ANGPT4: variants seen among roughly 807,000 people sequenced by gnomAD.
The protein encoded by ANGPT4 is angiopoietin-4.
Under a neutral mutation model 53.0 loss-of-function variants are expected in ANGPT4, and 50 were observed. The ratio of observed to expected loss-of-function variants is 0.94; its 90% confidence interval spans 0.75 to 1.20. ANGPT4 has a LOEUF of 1.20. Among genes scored for constraint, ANGPT4 ranks in the 50% most tolerant of loss-of-function variants. ANGPT4 has a pLI of 0.00. For synonymous variants in ANGPT4, 251 were observed against 259.7 expected (o/e 0.97, Z 0.32); for missense variants, 648 against 637.1 (o/e 1.02, Z -0.18).
intron 4 of ANGPT4, among the ~76,000 whole-genome samples, chr20:884,871 C>A (rs942813949): frequency 2.0e-5 from 3 of 152,218 alleles, no homozygotes; most frequent in African/African-American, 4.8e-5. Flanking sequence ...CCCAAGGTCA[C>A]CCATGGAATC....
At chr20:894,320 C>T (rs1392036275) in intron 1 of ANGPT4, among the ~76,000 whole-genome samples, 1 of 152,172 alleles carries the variant, frequency 6.6e-6, no homozygotes, top group Non-Finnish European at 1.5e-5. Flanking sequence ...GTCTCTCAGT[C>T]CCCCTCTCAA....
chr20:874,369 G>GCT lies in ANGPT4; in HGVS notation c.1264_1265dup (p.Ser422ArgfsTer27). The GCT allele has an allele frequency of 6.2e-7, 1 of 1,614,092 alleles. No individual in the cohort carries two copies. ...TAAAGCTGGTGTTCTGCAGGACCAG[G>GCT]CTGCTCTGGCGCCCTGCTGAGCCGC... On this transcript the variant is annotated frameshift_variant, in exon 8 of 9. Coordinates refer to ENST00000381922, the MANE Select transcript of ANGPT4 (RefSeq NM_015985.4). LOFTEE classifies it high-confidence loss of function.
At chr20:909,057 T>C (rs529527553) in intron 1 of ANGPT4, among the ~76,000 whole-genome samples, 2 of 152,244 alleles carry the variant, frequency 1.3e-5, no homozygotes, top group African/African-American at 4.8e-5. Context: ...GTTAAGACTG[T>C]GGGTTCTGGA....
chr20:915,903 T>C lies in ANGPT4; in HGVS notation c.309+3A>G, dbSNP rs1982913893. 1.3e-6 allele frequency: 2 copies of C among 1,561,498 alleles called. No homozygotes were observed. The highest frequency in any genetic ancestry group is 1.7e-6 in the Non-Finnish European group (2 of 1,150,288). On this transcript the variant is annotated splice_donor_region_variant and intron_variant, in intron 1 of 8. Transcript: ENST00000381922. The stretch of plus-strand genomic sequence containing the variant: ...CCCCCTGCAAACCTCCCATGCCCCG[T>C]ACCTTCTTCAGCCACTGCGTGTTGT...
rs972268861 is a variant in ANGPT4, at chr20:896,835, C to T, written c.310-6467G>A. 2.0e-5 allele frequency among the ~76,000 whole-genome samples: 3 copies of T among 152,204 alleles called. No individual in the cohort carries two copies. In the East Asian group the frequency reaches 5.8e-4, roughly 29 times the overall value. ...ACTCTGGTTGTAGTTACATAATGAACGCATGATAAATTCTGGTATGTCTGG... is the reference window on the plus strand; with the variant it reads ...ACTCTGGTTGTAGTTACATAATGAATGCATGATAAATTCTGGTATGTCTGG... On this transcript the variant is annotated intron_variant, in intron 1 of 8. Transcript: ENST00000381922.
At chr20:893,936 G>T (rs1053855887) in intron 1 of ANGPT4, among the ~76,000 whole-genome samples, 1 of 151,454 alleles carries the variant, frequency 6.6e-6, no homozygotes, top group African/African-American at 2.4e-5. Flanking sequence ...TCTGCCTTTT[G>T]TGCCTTCCTG....
At chr20:885,458 T>A in intron 3 of ANGPT4, 133 bp from the exon 4 acceptor site, 1 of 1,286,568 alleles carries the variant, frequency 7.8e-7, no homozygotes, top group Non-Finnish European at 1.0e-6. Flanking sequence ...CTGTGCCCAC[T>A]GTAGGCACAG....
Position 872,624 on chromosome 20 carries a change from C to A in ANGPT4, c.*336G>T, listed in dbSNP as rs771326282. 9.0e-5 allele frequency: 20 copies of A among 223,324 alleles called. No homozygotes were observed. The highest frequency in any genetic ancestry group is 1.6e-3 in the Middle Eastern group (1 of 622). 13.8% of individuals were successfully genotyped at this position (223,324 alleles called of 1,614,324 possible). A position where few individuals can be genotyped will look rare whatever the true frequency, so the allele number is the denominator to read the frequency against. On this transcript the variant is annotated 3_prime_UTR_variant, in exon 9 of 9. Transcript: ENST00000381922. ...GTGCAAATACATTCCCACCTGCCTG[C>A]AACCCCACCATTGGTCATGGGAATC...
In ANGPT4 at chr20:890,384, G is replaced by A; in HGVS notation, c.310-16C>T. On this transcript the variant is annotated splice_polypyrimidine_tract_variant and intron_variant, in intron 1 of 8. Transcript: ENST00000381922. ...CCCTCTCTAGCTGTGGGAGACCATG[G>A]GCTGGGGTCACGGGGGAGGGGCGGG... 1 of 1,604,096 alleles carries A rather than the reference G, an allele frequency of 6.2e-7. No individual in the cohort carries two copies. The highest frequency in any genetic ancestry group is 8.5e-7 in the Non-Finnish European group (1 of 1,177,668).
chr20:879,198 T>G (rs1048265975), intron 6 of ANGPT4, among the ~76,000 whole-genome samples: 30 of 152,250 alleles, frequency 2.0e-4, no homozygotes, highest in Non-Finnish European at 3.8e-4. Context: ...TGTGGGTATC[T>G]TTTTCTATTT....
At chr20:888,943 G>A (rs1486508878) in intron 2 of ANGPT4, among the ~76,000 whole-genome samples, 1 of 152,182 alleles carries the variant, frequency 6.6e-6, no homozygotes, top group Non-Finnish European at 1.5e-5. Flanking sequence ...AGGCCCTATG[G>A]TGTGATCTGT....
chr20:915,068 C>T (rs1368379044), intron 1 of ANGPT4, among the ~76,000 whole-genome samples: 2 of 152,208 alleles, frequency 1.3e-5, no homozygotes, highest in Non-Finnish European at 2.9e-5. Context: ...GTACCTTGCA[C>T]CTGATGGCTG....
At chr20:888,501 C>T (rs1439331297) in intron 2 of ANGPT4, 62 bp from the exon 3 acceptor site, 1 of 1,551,108 alleles carries the variant, frequency 6.4e-7, no homozygotes, top group Non-Finnish European at 8.7e-7. Flanking sequence ...CCTGCCCAAC[C>T]ACCCACCTGC....
intron 2 of ANGPT4, among the ~76,000 whole-genome samples, chr20:888,900 G>A (rs1233321407): frequency 6.6e-6 from 1 of 152,190 alleles, no homozygotes; most frequent in Non-Finnish European, 1.5e-5. Flanking sequence ...ATCTCATGTA[G>A]CGGAAATGCC....
At chr20:883,783 G>A (rs1981500449) in intron 4 of ANGPT4, among the ~76,000 whole-genome samples, 1 of 152,242 alleles carries the variant, frequency 6.6e-6, no homozygotes, top group Non-Finnish European at 1.5e-5. Flanking sequence ...TGTGCCTTGG[G>A]CTGAGCTACA....
In ANGPT4 at chr20:916,023, G is replaced by C. The variant is rs1982925472; in HGVS notation, c.192C>G (p.Asp64Glu). The C allele has an allele frequency of 6.2e-7, 1 of 1,614,194 alleles. No individual in the cohort carries two copies. The highest frequency in any genetic ancestry group is 8.5e-7 in the Non-Finnish European group (1 of 1,180,012). The change falls in exon 1 of 9, where the codon GAC becomes GAG. Residue 64 changes from aspartate (D) to glutamate (E), a missense_variant. Coordinates refer to ENST00000381922, the MANE Select transcript of ANGPT4 (RefSeq NM_015985.4). ...PCPPGPEVSR[D>E]SNTLQRESLA... Reference sequence around the variant, plus strand: ...GTGATTCTCTCTGGAGGGTGTTGGAGTCCCTGGAGACCTCAGGCCCCGGAG... The same window carrying C: ...GTGATTCTCTCTGGAGGGTGTTGGACTCCCTGGAGACCTCAGGCCCCGGAG...
intron 1 of ANGPT4, among the ~76,000 whole-genome samples, chr20:895,606 G>A (rs1414098979): frequency 6.6e-6 from 1 of 152,190 alleles, no homozygotes; most frequent in African/African-American, 2.4e-5. Context: ...ATCCGTGGAT[G>A]AGCAGCCTCC....
At position 874,427 on chromosome 20, in the gene ANGPT4, C is replaced by T; in HGVS notation, c.1221-13G>A. 6.2e-7 allele frequency: 1 copy of T among 1,612,782 alleles called. No homozygotes were observed. Among genetic ancestry groups the T allele is most frequent in the Non-Finnish European group, 8.5e-7 (1 of 1,179,912 alleles). ...GACCACAGAAAGCCTGGAGGCCACC[C>T]AGAGGTGGTGGTGGCAGAAGGGCCC... is the stretch of plus-strand genomic sequence containing the variant. On this transcript the variant is annotated splice_polypyrimidine_tract_variant and intron_variant, in intron 7 of 8. Transcript: ENST00000381922.
chr20:897,342 C>G (rs73582868), intron 1 of ANGPT4, among the ~76,000 whole-genome samples: 3,306 of 152,268 alleles, frequency 0.022, 118 homozygotes, highest in African/African-American at 0.075. Flanking sequence ...GATCAAACAG[C>G]CCAAGGAACA....
Sources: allele counts gnomAD v4.1 joint callset (sites outside exome capture counted in the v4.1 genomes callset), GRCh38; gene constraint gnomAD v4.1.1; transcripts MANE v1.5; gene names NCBI Gene and HGNC (gene_info 2026-07-23, HGNC 2026-07-21).